SPATA7: variants seen among roughly 807,000 people sequenced by gnomAD.
SPATA7 encodes spermatogenesis-associated protein 7.
A neutral mutation model predicts 51.8 loss-of-function variants in SPATA7; 43 were observed. That is an observed-to-expected ratio of 0.83 (90% CI 0.65 to 1.07). The LOEUF is 1.07. SPATA7 is among the 50% of genes least tolerant of loss of function. The pLI is 0.00. For synonymous variants in SPATA7, 230 were observed against 252.8 expected (o/e 0.91, Z 0.86); for missense variants, 683 against 701.3 (o/e 0.97, Z 0.30).
At position 88,393,509 on chromosome 14, in the gene SPATA7, ACT is replaced by A. The variant is rs370832214; in HGVS notation, c.190+26_190+27del. 69 of 1,518,718 alleles carry A rather than the reference ACT, an allele frequency of 4.5e-5. 2 individuals are homozygous for A. The South Asian group carries it at 5.5e-4, about 12-fold the overall frequency. The allele number at this position is 1,518,718 out of a possible 1,614,324, so 94.1% of individuals were successfully genotyped here. On this transcript the variant is annotated intron_variant, in intron 3 of 11. Transcript: ENST00000393545. ...CAAAGGTAAAAATGTGCAAATGTGA[ACT>A]CTCTGTACTCAATTTAAACCTCCAG...
intron 1 of SPATA7, 30 bp downstream of exon 1, chr14:88,385,867 G>T (rs756855582): frequency 6.3e-7 from 1 of 1,590,524 alleles, no homozygotes. Flanking sequence ...GGCTACCGCC[G>T]CCTCGCCCCT....
chr14:88,428,271 G>T (rs558910661), intron 7 of SPATA7: 6 of 152,068 alleles, frequency 3.9e-5, no homozygotes, highest in Admixed American at 6.6e-5. Flanking sequence ...TTTATTTTTG[G>T]AGTTTCAGTC....
intron 1 of SPATA7, among the ~76,000 whole-genome samples, chr14:88,387,798 T>C (rs1279158454): frequency 6.6e-6 from 1 of 152,158 alleles, no homozygotes; most frequent in Non-Finnish European, 1.5e-5. Flanking sequence ...TAGGTATATA[T>C]AAGGCATGGT....
chr14:88,426,588 C>T lies in SPATA7; in HGVS notation c.729C>T (p.Arg243=), dbSNP rs151338404. 4,763 of 1,614,156 alleles carry T rather than the reference C, an allele frequency of 3.0e-3. 11 individuals carry two copies. The highest frequency in any genetic ancestry group is 3.5e-3 in the Non-Finnish European group (4,104 of 1,180,014). Residue 243 remains arginine, a synonymous_variant, in exon 6 of 12, where the codon CGC becomes CGT. Coordinates refer to ENST00000393545, the MANE Select transcript of SPATA7 (RefSeq NM_018418.5). The stretch of plus-strand genomic sequence containing the variant: ...ACAAACAATTGCCATTCACTCCTCG[C>T]ACTTTAAAAACAGAAGCAAAATCTT... ...FSNKQLPFTP[R]TLKTEAKSFL... is the part of the protein sequence containing the mutation.
chr14:88,408,076 G>T (rs2076244818), intron 4 of SPATA7, among the ~76,000 whole-genome samples: 1 of 152,104 alleles, frequency 6.6e-6, no homozygotes, highest in Non-Finnish European at 1.5e-5. Context: ...GCTTAGGATT[G>T]TCTTGGATAT....
intron 4 of SPATA7, chr14:88,406,654 T>C (rs1279607050): frequency 2.0e-5 from 3 of 152,726 alleles, no homozygotes; most frequent in African/African-American, 4.8e-5. Context: ...CTGGGATACA[T>C]GTGCAGAACA....
intron 4 of SPATA7, among the ~76,000 whole-genome samples, chr14:88,398,983 C>T (rs868499608): frequency 4.0e-5 from 6 of 149,074 alleles, no homozygotes; most frequent in South Asian, 2.1e-4. Context: ...ACCCAGGAGG[C>T]GGAGCTTGCA....
In SPATA7 at chr14:88,438,253, A is replaced by G; in HGVS notation, c.1631A>G (p.Asp544Gly). 2 of 1,614,146 alleles carry G rather than the reference A, an allele frequency of 1.2e-6. No individual in the cohort carries two copies. Among genetic ancestry groups the G allele is most frequent in the Non-Finnish European group, 1.7e-6 (2 of 1,180,008 alleles). ...RETSVNVIEG[D>G]SDPEKVEISN... is the part of the protein sequence containing the mutation. ...ACTTCTGTGAATGTCATTGAAGGTG[A>G]TAGTGACCCTGAAAAGGTTGAGATT... Residue 544 changes from aspartate (D) to glycine (G), a missense_variant, in exon 12 of 12, where the codon GAT becomes GGT. Asp to Gly is a moderately conservative substitution (Grantham distance 94). Transcript: ENST00000393545.
intron 4 of SPATA7, among the ~76,000 whole-genome samples, chr14:88,406,198 C>T (rs1002312115): frequency 2.0e-5 from 3 of 152,118 alleles, no homozygotes; most frequent in African/African-American, 7.2e-5. Context: ...CTGACTTGAT[C>T]AGTTCCTAAC....
At chr14:88,464,722 T>G (rs1358859732) in intron 4 of SPATA7, among the ~76,000 whole-genome samples, 1 of 151,720 alleles carries the variant, frequency 6.6e-6, no homozygotes, top group Admixed American at 6.6e-5. Flanking sequence ...AGAACGAAAC[T>G]CCGTCTCAAA....
At chr14:88,448,674 C>CT (rs1226221104) in intron 3 of SPATA7, among the ~76,000 whole-genome samples, 11 of 152,248 alleles carry the variant, frequency 7.2e-5, no homozygotes, top group Admixed American at 7.2e-4. Context: ...GTGTGGATGT[C>CT]TTTTCTGTTT....
At chr14:88,459,676 A>T (rs1439872917), downstream of SPATA7, among the ~76,000 whole-genome samples, 1 of 152,140 alleles carries the variant, frequency 6.6e-6, no homozygotes, top group Non-Finnish European at 1.5e-5. Flanking sequence ...CCGTTTTGCC[A>T]GTCTGTGTAT....
chr14:88,468,028 G>T, intron 4 of SPATA7: 2 of 1,368,146 alleles, frequency 1.5e-6, no homozygotes, highest in Non-Finnish European at 2.1e-6. Flanking sequence ...ACGTCCCAGT[G>T]CCACGCTGCG....
chr14:88,469,454 A>G lies in SPATA7; in HGVS notation c.255-393A>G. Reference sequence around the variant, plus strand: ...ACATAAATGTTCCTCTCTGTTTAACACCTCCAGAGGCAGCTGTCCTCGGAA... The same window carrying G: ...ACATAAATGTTCCTCTCTGTTTAACGCCTCCAGAGGCAGCTGTCCTCGGAA... On this transcript the variant is annotated intron_variant, in intron 4 of 4. Coordinates refer to the SPATA7 transcript ENST00000556406. The surrounding 1 kb of genome is among the most constrained non-coding windows in gnomAD (Gnocchi z 4.3). The G allele has an allele frequency of 2.7e-6, 4 of 1,469,794 alleles. No individual in the cohort carries two copies. Among genetic ancestry groups the G allele is most frequent in the Non-Finnish European group, 3.8e-6 (4 of 1,050,034 alleles). The allele number at this position is 1,469,794 out of a possible 1,614,324, so 91.0% of individuals were successfully genotyped here.
At chr14:88,465,490 C>G (rs998828445) in intron 4 of SPATA7, among the ~76,000 whole-genome samples, 1 of 152,068 alleles carries the variant, frequency 6.6e-6, no homozygotes, top group African/African-American at 2.4e-5. Context: ...AAAATGAGTA[C>G]TTTCTGTGCT....
chr14:88,386,089 C>G, intron 1 of SPATA7: 1 of 1,376,402 alleles, frequency 7.3e-7, no homozygotes, highest in Non-Finnish European at 9.5e-7. Flanking sequence ...GTCTCCTGAA[C>G]TCAGGGTCGT....
chr14:88,393,896 G>A (rs1374793671), intron 3 of SPATA7, among the ~76,000 whole-genome samples: 1 of 151,888 alleles, frequency 6.6e-6, no homozygotes, highest in African/African-American at 2.4e-5. Context: ...TGATTATAAT[G>A]TGTACAGATA....
At chr14:88,430,588 C>T (rs2076913408) in intron 8 of SPATA7, among the ~76,000 whole-genome samples, 1 of 151,960 alleles carries the variant, frequency 6.6e-6, no homozygotes, top group Admixed American at 6.6e-5. Context: ...TATCTATATC[C>T]AGCATTATCT....
intron 2 of SPATA7, 123 bp from the exon 3 acceptor site, chr14:88,393,270 T>C: frequency 2.9e-6 from 2 of 700,232 alleles, no homozygotes; most frequent in Non-Finnish European, 4.9e-6. Context: ...CAATGTCATA[T>C]ATCAATATCT....
Sources: gnomAD v4.1 joint callset for allele counts (sites outside exome capture counted in the v4.1 genomes callset) on GRCh38, gnomAD v4.1.1 for gene constraint, Gnocchi (gnomAD v3.1) non-coding constraint, MANE v1.5 for transcripts, NCBI Gene and HGNC (gene_info 2026-07-23, HGNC 2026-07-21) for gene names.